The following DLGAP2 variants were observed in gnomAD, a reference collection of about 807,000 sequenced individuals.
DLGAP2 encodes DLG associated protein 2.
In DLGAP2, 26 loss-of-function variants were observed where a neutral mutation model predicts 100.3. The observed-to-expected ratio is 0.26, with a 90% CI of 0.19 to 0.36. The LOEUF (loss-of-function observed/expected upper bound fraction) is 0.36, where lower values mean the gene tolerates loss of function less well. Among genes scored for constraint, DLGAP2 ranks in the 10% least tolerant of loss-of-function variants. DLGAP2 has a pLI of 1.00. For synonymous variants in DLGAP2, 886 were observed against 630.1 expected, an observed-to-expected ratio of 1.41 and a Z score of -6.08; for missense variants, 1,858 against 1,453.2, an observed-to-expected ratio of 1.28 and a Z score of -4.53.
chr8:1,164,637 C>G (rs1158284467), intron 2 of DLGAP2, among the ~76,000 whole-genome samples: 1 of 152,218 alleles, frequency 6.6e-6, no homozygotes, highest in African/African-American at 2.4e-5. Flanking sequence ...TCAGAACCGC[C>G]AGGGCCTGTC....
chr8:1,529,673 C>G (rs570141320), intron 4 of DLGAP2, among the ~76,000 whole-genome samples: 1 of 152,278 alleles, frequency 6.6e-6, no homozygotes, highest in East Asian at 1.9e-4. Flanking sequence ...TAAGCTTGAA[C>G]AATGTGAAAA....
intron 2 of DLGAP2, among the ~76,000 whole-genome samples, chr8:1,237,197 C>A (rs1254408835): frequency 3.5e-5 from 5 of 141,434 alleles, no homozygotes; most frequent in Admixed American, 1.4e-4. Context: ...GTGTAGTTCT[C>A]TCACGTGGTG....
rs968797328 is a variant in DLGAP2, at chr8:1,654,296, C to T, written c.1811-14033C>T. 2.6e-5 allele frequency among the ~76,000 whole-genome samples: 4 copies of T among 152,326 alleles called. No homozygotes were observed. In the South Asian group the frequency reaches 6.2e-4, roughly 24 times the overall value. ...CCACCAGCATCCTCCAGTTCTTGGT[C>T]TCTTCATTTTTCCACTGGAAAAATT... On this transcript the variant is annotated intron_variant, in intron 8 of 14. Coordinates refer to ENST00000637795, the MANE Select transcript of DLGAP2 (RefSeq NM_001346810.2).
intron 2 of DLGAP2, among the ~76,000 whole-genome samples, chr8:1,173,872 C>T (rs189229563): frequency 3.0e-4 from 45 of 152,354 alleles, no homozygotes; most frequent in Middle Eastern, 6.8e-3. Flanking sequence ...GGCTCCCGCA[C>T]GGTGCACGCA....
intron 1 of DLGAP2, among the ~76,000 whole-genome samples, chr8:859,412 C>G (rs974800294): frequency 4.6e-5 from 7 of 152,194 alleles, no homozygotes; most frequent in Non-Finnish European, 7.3e-5. Context: ...ACACCTGGCC[C>G]TGTCTTAGTC....
chr8:1,098,859 C>T (rs892164332), intron 2 of DLGAP2, among the ~76,000 whole-genome samples: 3 of 152,038 alleles, frequency 2.0e-5, no homozygotes, highest in South Asian at 2.1e-4. Context: ...ACCAGGGTCC[C>T]GGTAGGGCCC....
intron 3 of DLGAP2, among the ~76,000 whole-genome samples, chr8:1,390,514 A>C (rs1489053159): frequency 6.6e-6 from 1 of 152,122 alleles, no homozygotes; most frequent in African/African-American, 2.4e-5. Context: ...TGTGTACTGC[A>C]CTGCAATTAG....
chr8:1,273,494 G>T (rs1799622909), intron 3 of DLGAP2, among the ~76,000 whole-genome samples: 1 of 152,178 alleles, frequency 6.6e-6, no homozygotes, highest in African/African-American at 2.4e-5. Context: ...GGATGACCAG[G>T]AGTCTCGAGC....
chr8:1,373,349 G>A (rs1802297370), intron 3 of DLGAP2, among the ~76,000 whole-genome samples: 1 of 151,960 alleles, frequency 6.6e-6, no homozygotes, highest in African/African-American at 2.4e-5. Context: ...CGCCGCGCCT[G>A]GACCGTGGCC....
At position 1,172,716 on chromosome 8, in the gene DLGAP2, C is replaced by T. The variant is rs543660016; in HGVS notation, c.74-86135C>T. Among the ~76,000 whole-genome samples, 120 of 152,302 alleles carry T rather than the reference C, an allele frequency of 7.9e-4. 1 individual carries two copies. Among genetic ancestry groups the T allele is most frequent in the African/African-American group, 2.8e-3 (115 of 41,568 alleles). On this transcript the variant is annotated intron_variant, in intron 2 of 14. Coordinates refer to ENST00000637795, the MANE Select transcript of DLGAP2 (RefSeq NM_001346810.2). Reference sequence around the variant, plus strand: ...CTGCATTCTTCACATAGTTCCCGAGCCTTGGCTTTCAGCTCCATCAGCTCC... The same window carrying T: ...CTGCATTCTTCACATAGTTCCCGAGTCTTGGCTTTCAGCTCCATCAGCTCC...
At chr8:1,356,298 A>G (rs1484142901) in intron 3 of DLGAP2, among the ~76,000 whole-genome samples, 2 of 152,344 alleles carry the variant, frequency 1.3e-5, no homozygotes, top group East Asian at 1.9e-4. Flanking sequence ...TTGCAGCTGT[A>G]TCACTCCCCT....
chr8:932,399 G>A (rs1798979558), intron 2 of DLGAP2, among the ~76,000 whole-genome samples: 1 of 152,236 alleles, frequency 6.6e-6, no homozygotes, highest in African/African-American at 2.4e-5. Context: ...AGATGAGAAA[G>A]ACTGATAAAT....
At chr8:1,657,930 A>C (rs1798320441) in intron 8 of DLGAP2, among the ~76,000 whole-genome samples, 1 of 152,190 alleles carries the variant, frequency 6.6e-6, no homozygotes, top group Non-Finnish European at 1.5e-5. Context: ...GAAAAGTTTA[A>C]TAGAAAAAGA....
chr8:990,002 C>A (rs552782806), intron 2 of DLGAP2, among the ~76,000 whole-genome samples: 1 of 152,018 alleles, frequency 6.6e-6, no homozygotes, highest in African/African-American at 2.4e-5. Context: ...CCTCTCTTGC[C>A]GCTCCCAGCC....
At chr8:1,303,442 A>G (rs760169075) in intron 3 of DLGAP2, among the ~76,000 whole-genome samples, 209 of 146,458 alleles carry the variant, frequency 1.4e-3, no homozygotes, top group Non-Finnish European at 2.4e-3. Context: ...GGAGAAGAGG[A>G]GTGTTTTCCT....
intron 12 of DLGAP2, among the ~76,000 whole-genome samples, chr8:1,683,620 A>G (rs1051360345): frequency 4.0e-5 from 6 of 150,526 alleles, no homozygotes; most frequent in South Asian, 2.1e-4. Context: ...GTGCCAGACA[A>G]TAGGAATGGG....
chr8:1,146,667 G>A (rs1796614135), intron 2 of DLGAP2, among the ~76,000 whole-genome samples: 1 of 152,164 alleles, frequency 6.6e-6, no homozygotes, highest in African/African-American at 2.4e-5. Flanking sequence ...ACGTGTGTGT[G>A]CATGTGTGTG....
chr8:1,307,850 C>T (rs1305917179), intron 3 of DLGAP2, among the ~76,000 whole-genome samples: 1 of 152,042 alleles, frequency 6.6e-6, no homozygotes, highest in Non-Finnish European at 1.5e-5. Flanking sequence ...AAGGAGGCTG[C>T]CGGGGACTGG....
At chr8:1,226,439 G>C (rs1246497266) in intron 2 of DLGAP2, among the ~76,000 whole-genome samples, 2 of 152,130 alleles carry the variant, frequency 1.3e-5, no homozygotes, top group Non-Finnish European at 2.9e-5. Context: ...ATGGACACAG[G>C]AGGGAGGAGA....
Sources: gnomAD v4.1 joint callset for allele counts (sites outside exome capture counted in the v4.1 genomes callset) on GRCh38, gnomAD v4.1.1 for gene constraint, MANE v1.5 for transcripts, NCBI Gene and HGNC (gene_info 2026-07-23, HGNC 2026-07-21) for gene names.